Variants in CEP192 observed in about 807,000 individuals in gnomAD.
CEP192 encodes the protein centrosomal protein of 192 kDa.
A neutral mutation model predicts 271.8 loss-of-function variants in CEP192; 151 were observed. The observed-to-expected ratio is 0.56, with a 90% CI of 0.49 to 0.64. The LOEUF is 0.64. Among genes scored for constraint, CEP192 ranks in the 30% least tolerant of loss-of-function variants. The pLI is 0.00. For missense variants in CEP192, 2,910 were observed against 3,020.5 expected (o/e 0.96, Z 0.86); for synonymous variants, 995 against 1,076.5 (o/e 0.92, Z 1.48).
chr18:13,064,078 C>G (rs1295574790), intron 21 of CEP192, among the ~76,000 whole-genome samples: 1 of 151,954 alleles, frequency 6.6e-6, no homozygotes, highest in East Asian at 1.9e-4. Context: ...CTCAGCCTCC[C>G]AAAGTGCTGG....
chr18:13,030,735 C>T lies in CEP192; in HGVS notation c.1534+127C>T, dbSNP rs563555765. On this transcript the variant is annotated intron_variant, in intron 11 of 44. Transcript: ENST00000506447. ...CTATCACTGTATTCTGGAAGCACTT[C>T]ACTTGTTTTTATAGGACCCAAGGTT... 9.4e-5 allele frequency: 67 copies of T among 715,834 alleles called. No homozygotes were observed. The African/African-American group carries it at 1.1e-3, about 12-fold the overall frequency. 44.3% of individuals were successfully genotyped at this position (715,834 alleles called of 1,614,324 possible). A position where few individuals can be genotyped will look rare whatever the true frequency, so the allele number is the denominator to read the frequency against.
At position 13,095,447 on chromosome 18, in the gene CEP192, A is replaced by C. The variant is rs182364712; in HGVS notation, c.6255-56A>C. 3.0e-6 allele frequency: 4 copies of C among 1,352,136 alleles called. No homozygotes were observed. The Admixed American group carries it at 8.8e-5, about 30-fold the overall frequency. 83.8% of individuals were successfully genotyped at this position (1,352,136 alleles called of 1,614,324 possible). A position where few individuals can be genotyped will look rare whatever the true frequency, so the allele number is the denominator to read the frequency against. The stretch of plus-strand genomic sequence containing the variant: ...TACAATCTGGCCTTTTATCATTTTT[A>C]ACTTCTCAGTCTCTTTCTTCATGTC... On this transcript the variant is annotated intron_variant, in intron 34 of 44. Coordinates refer to ENST00000506447, the MANE Select transcript of CEP192 (RefSeq NM_032142.4).
intron 11 of CEP192, among the ~76,000 whole-genome samples, chr18:13,036,438 A>G (rs571643549): frequency 1.1e-3 from 174 of 152,294 alleles, no homozygotes; most frequent in Non-Finnish European, 2.1e-3. Flanking sequence ...CTGGCTCACC[A>G]TTCACTTTTC....
intron 15 of CEP192, among the ~76,000 whole-genome samples, chr18:13,047,371 A>ACACG (rs1258481247): frequency 6.6e-6 from 1 of 152,088 alleles, no homozygotes; most frequent in Non-Finnish European, 1.5e-5. Context: ...ACACACACAC[A>ACACG]CACACACCTC....
intron 12 of CEP192, 87 bp downstream of exon 12, chr18:13,037,388 T>C: frequency 1.7e-6 from 1 of 602,854 alleles, no homozygotes; most frequent in Non-Finnish European, 2.9e-6. Flanking sequence ...TTTCTGAATA[T>C]ATGGTTAGTA....
intron 1 of CEP192, among the ~76,000 whole-genome samples, chr18:12,993,123 A>G (rs1030841097): frequency 6.6e-6 from 1 of 152,350 alleles, no homozygotes; most frequent in East Asian, 1.9e-4. Flanking sequence ...TCTCAGCTCC[A>G]GAAGTGTATT....
Position 13,015,370 on chromosome 18 carries a change from C to CT in CEP192, c.563dup (p.Ser190GlufsTer2). ...TGGAAAACATTTTGAAGACAAGACTCTAAAGAGTGACCTAAGCCACACTAG... is the reference window on the plus strand; with the variant it reads ...TGGAAAACATTTTGAAGACAAGACTCTTAAAGAGTGACCTAAGCCACACTAG... On this transcript the variant is annotated frameshift_variant, in exon 6 of 45. Coordinates refer to ENST00000506447, the MANE Select transcript of CEP192 (RefSeq NM_032142.4). LOFTEE classifies it high-confidence loss of function. The CT allele has an allele frequency of 6.4e-7, 1 of 1,550,738 alleles. No homozygotes were observed. Among genetic ancestry groups the CT allele is most frequent in the Non-Finnish European group, 8.7e-7 (1 of 1,146,494 alleles).
chr18:13,060,086 A>T (rs947810204), intron 21 of CEP192, among the ~76,000 whole-genome samples: 1 of 152,196 alleles, frequency 6.6e-6, no homozygotes, highest in African/African-American at 2.4e-5. Flanking sequence ...AACAATAGGG[A>T]TATGCCCTGA....
chr18:13,098,138 C>G (rs1056803028), intron 36 of CEP192, among the ~76,000 whole-genome samples: 5 of 152,254 alleles, frequency 3.3e-5, no homozygotes, highest in Non-Finnish European at 5.9e-5. Context: ...TCATCATAGC[C>G]CGTTCTCGAT....
intron 11 of CEP192, among the ~76,000 whole-genome samples, chr18:13,034,948 G>A (rs532680866): frequency 6.6e-6 from 1 of 152,250 alleles, no homozygotes; most frequent in South Asian, 2.1e-4. Context: ...TTCGACAGTG[G>A]GGGAAACACA....
chr18:13,001,349 GT>G, intron 2 of CEP192, 107 bp from the exon 3 acceptor site: 1 of 704,308 alleles, frequency 1.4e-6, no homozygotes, highest in Non-Finnish European at 2.3e-6. Flanking sequence ...GGCCCTATTT[GT>G]TTTTACCCCG....
intron 30 of CEP192, among the ~76,000 whole-genome samples, chr18:13,083,420 T>C (rs1227769762): frequency 6.6e-6 from 1 of 152,246 alleles, no homozygotes; most frequent in Non-Finnish European, 1.5e-5. Context: ...TATTGAAGCT[T>C]GTGCATGCAT....
intron 18 of CEP192, among the ~76,000 whole-genome samples, chr18:13,053,776 G>A (rs1319899190): frequency 6.6e-6 from 1 of 152,086 alleles, no homozygotes; most frequent in Non-Finnish European, 1.5e-5. Flanking sequence ...TACAGCCTGG[G>A]ACCGCTGGTC....
At chr18:13,059,742 T>C (rs533786614) in intron 21 of CEP192, among the ~76,000 whole-genome samples, 12 of 152,320 alleles carry the variant, frequency 7.9e-5, no homozygotes, top group Non-Finnish European at 1.5e-4. Context: ...CATTGGATTA[T>C]ATGCTCATTT....
intron 1 of CEP192, among the ~76,000 whole-genome samples, chr18:12,999,071 G>A (rs1031599989): frequency 6.6e-6 from 1 of 152,070 alleles, no homozygotes; most frequent in Non-Finnish European, 1.5e-5. Context: ...AAAATCATTT[G>A]TATATACCAT....
At chr18:13,063,380 T>A (rs531951951) in intron 21 of CEP192, among the ~76,000 whole-genome samples, 1 of 152,334 alleles carries the variant, frequency 6.6e-6, no homozygotes, top group African/African-American at 2.4e-5. Context: ...CAGCATTTGT[T>A]ATTGCCCGTC....
rs150507816 is a variant in CEP192, at chr18:13,050,883, A to G, written c.3017+992A>G. On this transcript the variant is annotated intron_variant, in intron 17 of 44. Coordinates refer to ENST00000506447, the MANE Select transcript of CEP192 (RefSeq NM_032142.4). ...GCATGAGCCACTGTGCTTGGCCTGC[A>G]TATTTTAACAGATGTATTACCAGTC... Among the ~76,000 whole-genome samples, 61 of 152,302 alleles carry G rather than the reference A, an allele frequency of 4.0e-4. No homozygotes were observed. The East Asian group carries it at 0.011, about 27-fold the overall frequency.
chr18:13,096,132 CT>C, intron 35 of CEP192, 51 bp from the exon 36 acceptor site: 2 of 1,589,924 alleles, frequency 1.3e-6, no homozygotes, highest in African/African-American at 1.3e-5. Flanking sequence ...TAATATTTGT[CT>C]TTTTCACTGT....
intron 7 of CEP192, among the ~76,000 whole-genome samples, chr18:13,017,959 TAG>T (rs913386030): frequency 2.0e-5 from 3 of 152,192 alleles, no homozygotes; most frequent in Non-Finnish European, 4.4e-5. Context: ...CTTTGTTTTG[TAG>T]AGTGAACTGT....
Sources: allele counts gnomAD v4.1 joint callset (sites outside exome capture counted in the v4.1 genomes callset), GRCh38; gene constraint gnomAD v4.1.1; transcripts MANE v1.5; gene names NCBI Gene and HGNC (gene_info 2026-07-23, HGNC 2026-07-21).